FRYL: variants seen among roughly 807,000 people sequenced by gnomAD.
FRYL encodes protein furry homolog-like.
In FRYL, 150 loss-of-function variants were observed where a neutral mutation model predicts 351.2. The ratio of observed to expected loss-of-function variants is 0.43; its 90% CI spans 0.37 to 0.49. FRYL has a LOEUF of 0.49. Ranked by LOEUF, FRYL falls within the 20% of genes least tolerant of loss-of-function variation. The pLI is 0.00. For synonymous variants in FRYL, 1,153 were observed against 1,257.1 expected (o/e 0.92, Z 1.75); for missense variants, 3,036 against 3,619.3 (o/e 0.84, Z 4.13).
At chr4:48,543,469 T>C (rs1730672827) in intron 44 of FRYL, among the ~76,000 whole-genome samples, 1 of 152,182 alleles carries the variant, frequency 6.6e-6, no homozygotes, top group Non-Finnish European at 1.5e-5. Flanking sequence ...TCATTTATCT[T>C]AAAGCATAAA....
intron 1 of FRYL, among the ~76,000 whole-genome samples, chr4:48,750,449 A>C (rs532943847): frequency 2.3e-4 from 35 of 152,236 alleles, no homozygotes; most frequent in African/African-American, 8.2e-4. Context: ...TGACAAAGTC[A>C]GATCCCATCT....
intron 3 of FRYL, among the ~76,000 whole-genome samples, chr4:48,676,627 G>A (rs1162502314): frequency 6.6e-6 from 1 of 150,802 alleles, no homozygotes; most frequent in Non-Finnish European, 1.5e-5. Flanking sequence ...TCCTGACCTC[G>A]TGATCCGCCC....
At chr4:48,698,086 C>G (rs1410352445) in intron 2 of FRYL, among the ~76,000 whole-genome samples, 1 of 152,144 alleles carries the variant, frequency 6.6e-6, no homozygotes, top group Non-Finnish European at 1.5e-5. Context: ...TACAGACAAG[C>G]TGGAAAGGAG....
intron 62 of FRYL, among the ~76,000 whole-genome samples, chr4:48,501,177 T>A (rs888379428): frequency 5.3e-5 from 8 of 151,954 alleles, no homozygotes; most frequent in African/African-American, 1.7e-4. Flanking sequence ...TTTATTGAAC[T>A]GATGTGCTTT....
intron 3 of FRYL, chr4:48,653,923 A>AC: frequency 8.1e-7 from 1 of 1,233,618 alleles, no homozygotes; most frequent in Non-Finnish European, 1.0e-6. Context: ...GTTTTGGCCC[A>AC]CAGTGCCTTG....
chr4:48,589,845 C>T lies in FRYL; in HGVS notation c.1540G>A (p.Ala514Thr). 3.7e-6 allele frequency: 6 copies of T among 1,613,510 alleles called. No homozygotes were observed. Among genetic ancestry groups the T allele is most frequent in the Non-Finnish European group, 5.1e-6 (6 of 1,179,554 alleles). ...MSVYYPQVRKALDSILRHLDK... is the reference protein window; with the variant it reads ...MSVYYPQVRKTLDSILRHLDK... Reference sequence around the variant, plus strand: ...AAATGTCTGAGGATGCTATCTAATGCTTTTCTTACTTGAGGATAGTAAACT... The same window carrying T: ...AAATGTCTGAGGATGCTATCTAATGTTTTTCTTACTTGAGGATAGTAAACT... The change falls in exon 18 of 64, where the codon GCA becomes ACA. Residue 514 changes from alanine to threonine, a missense_variant. Ala to Thr is a moderately conservative substitution (Grantham distance 58). Coordinates refer to ENST00000358350, the MANE Select transcript of FRYL (RefSeq NM_015030.2).
At chr4:48,642,450 C>T (rs538419337) in intron 3 of FRYL, among the ~76,000 whole-genome samples, 1 of 152,160 alleles carries the variant, frequency 6.6e-6, no homozygotes, top group Admixed American at 6.6e-5. Context: ...CTATTTTGTG[C>T]AAATGAAATC....
chr4:48,673,690 A>G (rs1195408920), intron 3 of FRYL, among the ~76,000 whole-genome samples: 1 of 152,242 alleles, frequency 6.6e-6, no homozygotes, highest in Non-Finnish European at 1.5e-5. Flanking sequence ...TTAGTAATCA[A>G]AAGGCCTCAA....
intron 36 of FRYL, 103 bp downstream of exon 36, chr4:48,553,112 A>C: frequency 2.6e-6 from 2 of 769,012 alleles, no homozygotes; most frequent in Non-Finnish European, 4.1e-6. Flanking sequence ...TCTGAGATTC[A>C]TAACATGTTA....
chr4:48,519,559 G>C (rs181250514), intron 55 of FRYL, among the ~76,000 whole-genome samples: 13 of 150,600 alleles, frequency 8.6e-5, no homozygotes, highest in African/African-American at 1.7e-4. Context: ...TTGGACTGCA[G>C]TGGCGCGATC....
intron 4 of FRYL, among the ~76,000 whole-genome samples, chr4:48,628,964 T>G (rs186979018): frequency 8.6e-5 from 13 of 151,028 alleles, no homozygotes; most frequent in Non-Finnish European, 1.6e-4. Context: ...TCTTTAAAAC[T>G]ATTTCTACTT....
intron 1 of FRYL, among the ~76,000 whole-genome samples, chr4:48,773,957 T>C (rs933075713): frequency 3.9e-5 from 6 of 152,162 alleles, no homozygotes; most frequent in Admixed American, 3.9e-4. Flanking sequence ...CTTTCTAAAC[T>C]TGGAGCTACC....
At chr4:48,745,816 A>G (rs1578905196) in intron 1 of FRYL, among the ~76,000 whole-genome samples, 2 of 152,326 alleles carry the variant, frequency 1.3e-5, no homozygotes, top group East Asian at 3.9e-4. Context: ...AGAGAGGACA[A>G]TAATTATCTA....
intron 1 of FRYL, among the ~76,000 whole-genome samples, chr4:48,753,470 C>A (rs528543852): frequency 6.1e-4 from 93 of 152,184 alleles, no homozygotes; most frequent in South Asian, 2.5e-3. Flanking sequence ...CCATAAAATT[C>A]ACCAATTTAA....
chr4:48,776,684 C>T (rs1579003379), intron 1 of FRYL, among the ~76,000 whole-genome samples: 1 of 152,258 alleles, frequency 6.6e-6, no homozygotes, highest in Non-Finnish European at 1.5e-5. Context: ...AAGGTGACAT[C>T]TGAGCAGGGC....
chr4:48,717,564 G>T (rs752531781), intron 1 of FRYL, among the ~76,000 whole-genome samples: 1 of 151,456 alleles, frequency 6.6e-6, no homozygotes, highest in Non-Finnish European at 1.5e-5. Context: ...TATTTGAAAA[G>T]GGGTTTGACT....
chr4:48,615,714 T>G (rs1749285581), intron 7 of FRYL, among the ~76,000 whole-genome samples: 1 of 152,236 alleles, frequency 6.6e-6, no homozygotes, highest in South Asian at 2.1e-4. Flanking sequence ...CATATTTACA[T>G]TAGCTCTTCG....
intron 53 of FRYL, among the ~76,000 whole-genome samples, chr4:48,525,163 GTA>G (rs57457069): frequency 0.012 from 1,712 of 139,580 alleles, 31 homozygotes; most frequent in African/African-American, 0.039. Flanking sequence ...ATTTTTAAAG[GTA>G]TATATATATA....
rs375811732 is a variant in FRYL at position 48,721,059 on chromosome 4, C to T, written c.-383-10361G>A. 2.8e-4 allele frequency among the ~76,000 whole-genome samples: 42 copies of T among 152,268 alleles called. No individual in the cohort carries two copies. The South Asian group carries it at 5.2e-3, about 19-fold the overall frequency. On this transcript the variant is annotated intron_variant, in intron 1 of 63. Transcript: ENST00000358350. ...ATGATTATCATTCCCAACTGACAAACGAGAAAAAGGTCCAGAAGAATATAC... is the reference window on the plus strand; with the variant it reads ...ATGATTATCATTCCCAACTGACAAATGAGAAAAAGGTCCAGAAGAATATAC...
Sources: gnomAD v4.1 joint callset for allele counts (sites outside exome capture counted in the v4.1 genomes callset) on GRCh38, gnomAD v4.1.1 for gene constraint, MANE v1.5 for transcripts, NCBI Gene and HGNC (gene_info 2026-07-23, HGNC 2026-07-21) for gene names.